The following STMN2 variants were observed in gnomAD, a reference collection of about 807,000 sequenced individuals.
STMN2 encodes the protein stathmin 2, also known as stathmin-2.
In STMN2, 2 loss-of-function variants were observed where a neutral mutation model predicts 24.1. That is an observed-to-expected ratio of 0.08 (90% CI 0.03 to 0.26). STMN2 has a LOEUF of 0.26. STMN2 is among the 10% of genes least tolerant of loss of function. The pLI is 1.00. For synonymous variants in STMN2, 83 were observed against 77.5 expected (o/e 1.07, Z -0.37); for missense variants, 114 against 213.6 (o/e 0.53, Z 2.91).
In STMN2 at chr8:79,641,669, CACAT is replaced by C. The variant is rs1252804160; in HGVS notation, c.288+123_288+126del. The C allele has an allele frequency of 9.6e-5, 71 of 739,464 alleles. 1 individual carries two copies. The highest frequency in any genetic ancestry group is 6.2e-4 in the South Asian group (27 of 43,540). 45.8% of individuals were successfully genotyped at this position (739,464 alleles called of 1,614,324 possible). A position where few individuals can be genotyped will look rare whatever the true frequency, so the allele number is the denominator to read the frequency against. On this transcript the variant is annotated intron_variant, in intron 3 of 4. Transcript: ENST00000220876. ...ACACACACACACACACACACACACA[CACAT>C]ACAGAGAGCAATGACAGCTGAACCT...
At chr8:79,656,204 A>G (rs776182271) in intron 4 of STMN2, among the ~76,000 whole-genome samples, 2 of 152,190 alleles carry the variant, frequency 1.3e-5, no homozygotes, top group Non-Finnish European at 2.9e-5. Flanking sequence ...TGTGCTCGTG[A>G]GGAATTTTTG....
chr8:79,662,398 G>A (rs2130401476), intron 4 of STMN2, among the ~76,000 whole-genome samples: 1 of 152,058 alleles, frequency 6.6e-6, no homozygotes, highest in Non-Finnish European at 1.5e-5. Context: ...AACTGCTTTA[G>A]GAACCTCTAG....
chr8:79,624,469 A>AG (rs1809602768), intron 1 of STMN2, among the ~76,000 whole-genome samples: 2 of 150,228 alleles, frequency 1.3e-5, no homozygotes, highest in African/African-American at 4.9e-5. Context: ...AAAAAAAAAA[A>AG]AAAAAAAAAG....
chr8:79,625,534 C>T (rs1809631302), intron 1 of STMN2, among the ~76,000 whole-genome samples: 1 of 152,292 alleles, frequency 6.6e-6, no homozygotes, highest in African/African-American at 2.4e-5. Context: ...ATAGTAAGAG[C>T]TCTAATTGTG....
At chr8:79,631,132 G>A (rs1052541392) in intron 1 of STMN2, among the ~76,000 whole-genome samples, 3 of 152,284 alleles carry the variant, frequency 2.0e-5, no homozygotes, top group Non-Finnish European at 2.9e-5. Context: ...AGTAAGGTGA[G>A]GTACCAGGTT....
At chr8:79,659,091 T>A (rs1312542428) in intron 4 of STMN2, among the ~76,000 whole-genome samples, 1 of 152,248 alleles carries the variant, frequency 6.6e-6, no homozygotes, top group Non-Finnish European at 1.5e-5. Context: ...AAGTGTTCTT[T>A]CTTCCTCCAA....
chr8:79,644,119 A>G (rs1810169210), intron 3 of STMN2, among the ~76,000 whole-genome samples: 1 of 152,226 alleles, frequency 6.6e-6, no homozygotes, highest in Admixed American at 6.5e-5. Flanking sequence ...ATCTTTAAAG[A>G]GTCTTTAGCA....
intron 1 of STMN2, among the ~76,000 whole-genome samples, chr8:79,627,733 TTCTA>T (rs992658471): frequency 1.5e-5 from 2 of 133,724 alleles, no homozygotes; most frequent in African/African-American, 6.1e-5. Context: ...AAATTATTCA[TTCTA>T]TCTAAGACTT....
At chr8:79,638,093 C>A (rs374162448) in intron 2 of STMN2, among the ~76,000 whole-genome samples, 14 of 152,160 alleles carry the variant, frequency 9.2e-5, no homozygotes, top group African/African-American at 3.4e-4. Flanking sequence ...TTATTATTTG[C>A]TAGATGTAGC....
At chr8:79,654,201 A>G (rs1217007931) in intron 3 of STMN2, among the ~76,000 whole-genome samples, 1 of 152,172 alleles carries the variant, frequency 6.6e-6, no homozygotes, top group Non-Finnish European at 1.5e-5. Context: ...CTCAAAGTGC[A>G]GGGCAGGGTG....
chr8:79,654,734 G>A (rs1443214376), intron 3 of STMN2, 137 bp from the exon 4 acceptor site: 1 of 937,152 alleles, frequency 1.1e-6, no homozygotes, highest in East Asian at 2.7e-5. Context: ...CCATGCAGAT[G>A]AGTACAGACT....
At chr8:79,619,301 A>G (rs746210190) in intron 1 of STMN2, among the ~76,000 whole-genome samples, 3 of 152,186 alleles carry the variant, frequency 2.0e-5, no homozygotes, top group Non-Finnish European at 4.4e-5. Context: ...TAGTCCCACA[A>G]ATACTTTTAC....
intron 1 of STMN2, among the ~76,000 whole-genome samples, chr8:79,634,042 A>C: frequency 6.6e-6 from 1 of 151,990 alleles, no homozygotes; most frequent in South Asian, 2.1e-4. Context: ...TTTTATTTTT[A>C]TGTTTGGATT....
At chr8:79,636,696 C>T (rs1809968108) in intron 1 of STMN2, 106 bp from the exon 2 acceptor site, 1 of 989,694 alleles carries the variant, frequency 1.0e-6, no homozygotes, top group South Asian at 1.6e-5. Context: ...GTCTACCTGG[C>T]AATATTCACT....
chr8:79,621,901 T>C (rs988371810), intron 1 of STMN2, among the ~76,000 whole-genome samples: 2 of 152,196 alleles, frequency 1.3e-5, no homozygotes, highest in Admixed American at 6.6e-5. Flanking sequence ...AAGCAGCCCA[T>C]GTCCAAAGGT....
At chr8:79,655,764 C>A (rs533763122) in intron 4 of STMN2, among the ~76,000 whole-genome samples, 3 of 152,328 alleles carry the variant, frequency 2.0e-5, no homozygotes, top group East Asian at 3.9e-4. Context: ...CCTCAAAAAA[C>A]CTTTCCTTTG....
At chr8:79,632,760 A>C (rs541231985) in intron 1 of STMN2, among the ~76,000 whole-genome samples, 1 of 152,340 alleles carries the variant, frequency 6.6e-6, no homozygotes, top group South Asian at 2.1e-4. Flanking sequence ...GCCAAAACTA[A>C]AGTGTCAAAT....
intron 1 of STMN2, among the ~76,000 whole-genome samples, chr8:79,631,717 C>T (rs1268527010): frequency 6.6e-6 from 1 of 151,998 alleles, no homozygotes; most frequent in East Asian, 1.9e-4. Context: ...ATGGACCTCC[C>T]AAAAGGATTT....
intron 4 of STMN2, among the ~76,000 whole-genome samples, chr8:79,658,702 C>G (rs930607072): frequency 6.6e-6 from 1 of 152,212 alleles, no homozygotes; most frequent in Non-Finnish European, 1.5e-5. Flanking sequence ...CACTCAGTCG[C>G]TCTTCCCTTC....
Sources: allele counts gnomAD v4.1 joint callset (sites outside exome capture counted in the v4.1 genomes callset), GRCh38; gene constraint gnomAD v4.1.1; transcripts MANE v1.5; gene names NCBI Gene and HGNC (gene_info 2026-07-23, HGNC 2026-07-21).